Variants in DLG2 observed in about 807,000 individuals in gnomAD.
The protein encoded by DLG2 is discs large MAGUK scaffold protein 2, also known as disks large homolog 2.
Under a neutral mutation model 132.5 loss-of-function variants are expected in DLG2, and 45 were observed. The ratio of observed to expected loss-of-function variants is 0.34; its 90% CI spans 0.27 to 0.44. The LOEUF is 0.44. Among genes scored for constraint, DLG2 ranks in the 20% least tolerant of loss-of-function variants. The probability of loss-of-function intolerance (pLI) is 1.00; values close to 1 mark genes in which losing one functional copy is unlikely to be tolerated. For synonymous variants in DLG2, 424 were observed against 419.6 expected, an observed-to-expected ratio of 1.01 and a Z score of -0.13; for missense variants, 1,045 against 1,196.9, an observed-to-expected ratio of 0.87 and a Z score of 1.87.
intron 15 of DLG2, among the ~76,000 whole-genome samples, chr11:83,929,835 C>A (rs1175188133): frequency 6.6e-6 from 1 of 152,042 alleles, no homozygotes; most frequent in Non-Finnish European, 1.5e-5. Context: ...GGACAAGTTG[C>A]TTAATACCTT....
chr11:84,359,317 T>C (rs184613924), intron 7 of DLG2, among the ~76,000 whole-genome samples: 5 of 152,012 alleles, frequency 3.3e-5, no homozygotes, highest in South Asian at 2.1e-4. Context: ...ACAAATCTCA[T>C]TGAAGCAGAT....
intron 7 of DLG2, among the ~76,000 whole-genome samples, chr11:84,493,685 C>T (rs1231012967): frequency 6.6e-6 from 1 of 152,052 alleles, no homozygotes; most frequent in African/African-American, 2.4e-5. Context: ...CAAGATTACA[C>T]AGGCTCATTT....
intron 3 of DLG2, among the ~76,000 whole-genome samples, chr11:85,353,968 C>T (rs2083493171): frequency 6.6e-6 from 1 of 151,310 alleles, no homozygotes; most frequent in African/African-American, 2.4e-5. Context: ...GCACATGTAC[C>T]CTAGAACTTA....
At chr11:84,526,930 C>T (rs1182247067) in intron 7 of DLG2, among the ~76,000 whole-genome samples, 1 of 152,060 alleles carries the variant, frequency 6.6e-6, no homozygotes, top group Non-Finnish European at 1.5e-5. Context: ...AGGCATCCGC[C>T]ACCACGCCCG....
At chr11:84,351,181 A>T (rs2098566750) in intron 7 of DLG2, among the ~76,000 whole-genome samples, 1 of 152,164 alleles carries the variant, frequency 6.6e-6, no homozygotes, top group South Asian at 2.1e-4. Context: ...AACACTTATC[A>T]TGGTTTCTTT....
chr11:83,965,562 T>A, intron 12 of DLG2, 94 bp from the exon 13 acceptor site: 1 of 1,036,208 alleles, frequency 9.7e-7, no homozygotes. Flanking sequence ...TAAATTGTGA[T>A]AATTACTGTC....
intron 4 of DLG2, among the ~76,000 whole-genome samples, chr11:85,228,999 A>C (rs879876784): frequency 6.7e-5 from 10 of 149,458 alleles, no homozygotes; most frequent in Non-Finnish European, 1.3e-4. Context: ...TTGTATTTTT[A>C]GTGTTTATTT....
intron 7 of DLG2, among the ~76,000 whole-genome samples, chr11:84,303,846 G>T (rs535234773): frequency 1.4e-4 from 22 of 152,264 alleles, no homozygotes; most frequent in Admixed American, 1.0e-3. Flanking sequence ...TGTCATTCTT[G>T]ATCTTAAGAC....
At chr11:85,032,619 A>G (rs1462327063) in intron 6 of DLG2, among the ~76,000 whole-genome samples, 1 of 152,124 alleles carries the variant, frequency 6.6e-6, no homozygotes, top group African/African-American at 2.4e-5. Flanking sequence ...AAATTCTAAT[A>G]CTCATTTCGT....
chr11:83,942,865 C>T (rs2082977092), intron 14 of DLG2, among the ~76,000 whole-genome samples: 1 of 152,192 alleles, frequency 6.6e-6, no homozygotes, highest in Admixed American at 6.5e-5. Context: ...AATCATTTCA[C>T]AATGTGATAT....
intron 3 of DLG2, among the ~76,000 whole-genome samples, chr11:85,435,665 C>T (rs1305074097): frequency 4.6e-5 from 7 of 152,092 alleles, no homozygotes; most frequent in Middle Eastern, 3.4e-3. Flanking sequence ...TAAGAGAGGA[C>T]ACAAACAAAT....
intron 11 of DLG2, among the ~76,000 whole-genome samples, chr11:84,002,803 C>T (rs2094416735): frequency 6.6e-6 from 1 of 152,092 alleles, no homozygotes; most frequent in Non-Finnish European, 1.5e-5. Flanking sequence ...AACGTTGGTT[C>T]CTTGTTCATT....
chr11:84,777,724 C>T (rs1018827508), intron 6 of DLG2, among the ~76,000 whole-genome samples: 1 of 152,002 alleles, frequency 6.6e-6, no homozygotes, highest in Non-Finnish European at 1.5e-5. Flanking sequence ...TGACGTTGAG[C>T]ATTATTTCAT....
intron 18 of DLG2, among the ~76,000 whole-genome samples, chr11:83,694,147 T>G (rs1483035699): frequency 6.6e-6 from 1 of 152,210 alleles, no homozygotes; most frequent in Non-Finnish European, 1.5e-5. Flanking sequence ...ACACAGGTAG[T>G]AAGCAACAGA....
intron 18 of DLG2, among the ~76,000 whole-genome samples, chr11:83,768,670 T>C (rs1418093626): frequency 1.3e-5 from 2 of 152,234 alleles, no homozygotes; most frequent in Non-Finnish European, 2.9e-5. Context: ...CCCCAGGGCT[T>C]GGCAGCACAA....
chr11:85,324,757 G>A (rs866288754), intron 3 of DLG2, among the ~76,000 whole-genome samples: 2 of 151,444 alleles, frequency 1.3e-5, no homozygotes, highest in Non-Finnish European at 1.5e-5. Flanking sequence ...AAAGAAGTTG[G>A]GGAGGGAGGA....
At chr11:84,031,048 T>C (rs1287441886) in intron 11 of DLG2, among the ~76,000 whole-genome samples, 5 of 152,046 alleles carry the variant, frequency 3.3e-5, no homozygotes, top group Admixed American at 1.3e-4. Flanking sequence ...CGGAAAACCA[T>C]AGTCTTGAGT....
chr11:84,588,527 T>C (rs1453043194), intron 6 of DLG2, among the ~76,000 whole-genome samples: 1 of 152,116 alleles, frequency 6.6e-6, no homozygotes, highest in Non-Finnish European at 1.5e-5. Context: ...TCAACCTAAG[T>C]TTACGGACTC....
chr11:84,458,338 C>T (rs2099070921), intron 7 of DLG2, among the ~76,000 whole-genome samples: 1 of 150,756 alleles, frequency 6.6e-6, no homozygotes, highest in Non-Finnish European at 1.5e-5. Flanking sequence ...CTAAGTGTTG[C>T]CAAATTGCCT....
Sources: allele counts gnomAD v4.1 joint callset (sites outside exome capture counted in the v4.1 genomes callset), GRCh38; gene constraint gnomAD v4.1.1; transcripts MANE v1.5; gene names NCBI Gene and HGNC (gene_info 2026-07-23, HGNC 2026-07-21).